Variants in TEAD1 observed in about 807,000 individuals in gnomAD.
TEAD1 encodes transcriptional enhancer factor TEF-1.
In TEAD1, 9 loss-of-function variants were observed where a neutral mutation model predicts 54.9. The ratio of observed to expected loss-of-function variants is 0.16; its 90% CI spans 0.10 to 0.29. The LOEUF is 0.29. Among genes scored for constraint, TEAD1 ranks in the 10% least tolerant of loss-of-function variants. The probability of loss-of-function intolerance (pLI) is 1.00; values close to 1 mark genes in which losing one functional copy is unlikely to be tolerated. For synonymous variants in TEAD1, 200 were observed against 187.8 expected, an observed-to-expected ratio of 1.07 and a Z score of -0.53; for missense variants, 387 against 535.9, an observed-to-expected ratio of 0.72 and a Z score of 2.74.
At chr11:12,755,792 A>G (rs907621652) in intron 2 of TEAD1, among the ~76,000 whole-genome samples, 3 of 152,180 alleles carry the variant, frequency 2.0e-5, no homozygotes, top group Non-Finnish European at 4.4e-5. Flanking sequence ...TGGAATGGTC[A>G]GATAGGATAG....
chr11:12,737,191 A>G (rs934141148), intron 2 of TEAD1, among the ~76,000 whole-genome samples: 3 of 152,302 alleles, frequency 2.0e-5, no homozygotes, highest in East Asian at 1.9e-4. Flanking sequence ...GCTCAGTTAC[A>G]TTATTGTTGT....
chr11:12,759,838 G>A (rs1945066261), intron 2 of TEAD1, among the ~76,000 whole-genome samples: 1 of 152,124 alleles, frequency 6.6e-6, no homozygotes, highest in African/African-American at 2.4e-5. Flanking sequence ...CTCCAGCCTG[G>A]GCAATAGAGT....
chr11:12,925,091 G>A, intron 11 of TEAD1, 39 bp downstream of exon 11: 1 of 1,611,132 alleles, frequency 6.2e-7, no homozygotes, highest in South Asian at 1.1e-5. Flanking sequence ...TCATTCAAGG[G>A]CAGACTGTTG....
intron 9 of TEAD1, among the ~76,000 whole-genome samples, chr11:12,899,108 A>G (rs997157405): frequency 5.3e-5 from 8 of 152,204 alleles, no homozygotes; most frequent in African/African-American, 1.9e-4. Flanking sequence ...TGAGGAGCCT[A>G]AAGGGAGACT....
chr11:12,937,199 A>G lies in TEAD1; in HGVS notation c.1258A>G (p.Ile420Val), dbSNP rs1280100491. The G allele has an allele frequency of 6.2e-7, 1 of 1,613,656 alleles. No individual in the cohort carries two copies. The highest frequency in any genetic ancestry group is 8.5e-7 in the Non-Finnish European group (1 of 1,179,756). The stretch of plus-strand genomic sequence containing the variant: ...TAGTGAACACGGAGCACAACATCAT[A>G]TTTACAGGCTTGTAAAGGACTGAAC... Residue 420 changes from isoleucine to valine, a missense_variant, in exon 13 of 13, where the codon ATT (isoleucine) becomes GTT (valine). Coordinates refer to ENST00000527636, the MANE Select transcript of TEAD1 (RefSeq NM_021961.6).
At chr11:12,777,800 G>A (rs1372273982) in intron 3 of TEAD1, among the ~76,000 whole-genome samples, 3 of 152,206 alleles carry the variant, frequency 2.0e-5, no homozygotes, top group Non-Finnish European at 2.9e-5. Context: ...TAAACCATGT[G>A]TATTAGGAAG....
intron 2 of TEAD1, among the ~76,000 whole-genome samples, chr11:12,756,684 T>C (rs1944988979): frequency 6.6e-6 from 1 of 152,202 alleles, no homozygotes; most frequent in Non-Finnish European, 1.5e-5. Context: ...AGTGAGGGTA[T>C]AGTGTATTTG....
chr11:12,861,967 CA>C (rs1947513060), intron 3 of TEAD1, among the ~76,000 whole-genome samples: 1 of 136,616 alleles, frequency 7.3e-6, no homozygotes. Flanking sequence ...GCCTGGGCAA[CA>C]AGAGTGAAAC....
chr11:12,837,216 AC>A (rs1363704679), intron 3 of TEAD1, among the ~76,000 whole-genome samples: 1 of 152,198 alleles, frequency 6.6e-6, no homozygotes, highest in Non-Finnish European at 1.5e-5. Flanking sequence ...TTTCTTGCCC[AC>A]TTAGCTATTA....
intron 2 of TEAD1, among the ~76,000 whole-genome samples, chr11:12,709,641 A>G (rs1401227206): frequency 6.6e-6 from 1 of 152,076 alleles, no homozygotes; most frequent in African/African-American, 2.4e-5. Flanking sequence ...AGCTCCCCCA[A>G]GTAGCTAGAA....
Position 12,740,732 on chromosome 11 carries a change from C to T in TEAD1, c.-54-23447C>T, listed in dbSNP as rs140175187. Among the ~76,000 whole-genome samples the T allele has an allele frequency of 5.9e-4, 90 of 152,204 alleles. 2 individuals are homozygous for T. The East Asian group carries it at 0.016, about 28-fold the overall frequency. ...GCATGAGGGTAACTGCCCCCTGCCCCGTGATTCAGTTGCCTCCCACCAGGT... is the reference window on the plus strand; with the variant it reads ...GCATGAGGGTAACTGCCCCCTGCCCTGTGATTCAGTTGCCTCCCACCAGGT... On this transcript the variant is annotated intron_variant, in intron 2 of 12. Coordinates refer to ENST00000527636, the MANE Select transcript of TEAD1 (RefSeq NM_021961.6).
chr11:12,899,486 T>C (rs186404665), intron 9 of TEAD1, among the ~76,000 whole-genome samples: 113 of 152,262 alleles, frequency 7.4e-4, no homozygotes, highest in Non-Finnish European at 3.4e-4. Context: ...TGGGCTGTTG[T>C]TTATAATTGG....
chr11:12,884,697 A>T (rs2134102289), intron 9 of TEAD1, among the ~76,000 whole-genome samples: 1 of 152,326 alleles, frequency 6.6e-6, no homozygotes, highest in South Asian at 2.1e-4. Flanking sequence ...GAAGGAATGT[A>T]AATTGGGCCC....
chr11:12,790,740 TAA>T (rs1425844835), intron 3 of TEAD1, among the ~76,000 whole-genome samples: 2 of 152,200 alleles, frequency 1.3e-5, no homozygotes, highest in African/African-American at 4.8e-5. Flanking sequence ...AGAAGGTGTA[TAA>T]ATAGTCAAGA....
At chr11:12,898,977 A>G (rs1948371362) in intron 9 of TEAD1, among the ~76,000 whole-genome samples, 1 of 152,136 alleles carries the variant, frequency 6.6e-6, no homozygotes, top group Admixed American at 6.5e-5. Flanking sequence ...TCCCATTTCC[A>G]GCAGTGCAGT....
At chr11:12,766,992 G>A (rs1048277927) in intron 3 of TEAD1, among the ~76,000 whole-genome samples, 3 of 152,114 alleles carry the variant, frequency 2.0e-5, no homozygotes, top group South Asian at 2.1e-4. Flanking sequence ...GTCTCTGGTC[G>A]ACATGAGGAG....
At chr11:12,698,882 GGTTT>G (rs1943640506) in intron 2 of TEAD1, among the ~76,000 whole-genome samples, 1 of 152,126 alleles carries the variant, frequency 6.6e-6, no homozygotes, top group African/African-American at 2.4e-5. Flanking sequence ...ACTCTTTCCA[GGTTT>G]GTTATTTGCC....
chr11:12,690,957 C>G (rs1391241466), intron 2 of TEAD1, among the ~76,000 whole-genome samples: 3 of 152,102 alleles, frequency 2.0e-5, no homozygotes, highest in African/African-American at 4.8e-5. Context: ...GGTTTCATCA[C>G]TCAGGCTGGT....
chr11:12,794,246 A>G (rs775164803), intron 3 of TEAD1, among the ~76,000 whole-genome samples: 1 of 152,162 alleles, frequency 6.6e-6, no homozygotes, highest in Admixed American at 6.5e-5. Flanking sequence ...GTACATGTTC[A>G]TTAATTATTT....
Sources: gnomAD v4.1 joint callset for allele counts (sites outside exome capture counted in the v4.1 genomes callset) on GRCh38, gnomAD v4.1.1 for gene constraint, MANE v1.5 for transcripts, NCBI Gene and HGNC (gene_info 2026-07-23, HGNC 2026-07-21) for gene names.